The following ZFHX3 variants were observed in gnomAD, a reference collection of about 807,000 sequenced individuals.
The protein encoded by ZFHX3 is zinc finger homeobox 3.
A neutral mutation model predicts 279.1 loss-of-function variants in ZFHX3; 42 were observed. The observed-to-expected ratio is 0.15, with a 90% confidence interval of 0.12 to 0.19. The LOEUF (loss-of-function observed/expected upper bound fraction) is 0.19, where lower values mean the gene tolerates loss of function less well. Among genes scored for constraint, ZFHX3 ranks in the 10% least tolerant of loss-of-function variants. The pLI is 1.00. For synonymous variants in ZFHX3, 2,293 were observed against 1,957.8 expected, an observed-to-expected ratio of 1.17 and a Z score of -4.52; for missense variants, 4,981 against 4,754.0, an observed-to-expected ratio of 1.05 and a Z score of -1.40.
rs2035868761 is a variant in ZFHX3 at position 72,795,368 on chromosome 16, T to G, written c.7314A>C (p.Ala2438=). 6.2e-7 allele frequency: 1 copy of G among 1,614,052 alleles called. No individual in the cohort carries two copies. The highest frequency in any genetic ancestry group is 1.7e-5 in the Admixed American group (1 of 60,012). ...GCTTTTCTTGGGTTTGGTTTGGCTG[T>G]GCACTGGGAGCTTCCGCCAGCTTTG... The part of the protein sequence containing the change: ...EKPKLAEAPS[A]QPNQTQEKQG... Residue 2438 remains alanine, a synonymous_variant, in exon 9 of 10, where the codon GCA becomes GCC. Coordinates refer to ENST00000268489, the MANE Select transcript of ZFHX3 (RefSeq NM_006885.4).
At chr16:73,439,909 C>CAGAA (rs2018057457) in intron 3 of ZFHX3, among the ~76,000 whole-genome samples, 2 of 75,430 alleles carry the variant, frequency 2.7e-5, no homozygotes, top group East Asian at 4.2e-4. Context: ...GGGAGAGGGA[C>CAGAA]AAAAAAAAAA....
Position 72,793,329 on chromosome 16 carries a change from A to T in ZFHX3, c.9353T>A (p.Leu3118His), listed in dbSNP as rs766541934. 1.9e-6 allele frequency: 3 copies of T among 1,614,208 alleles called. No individual in the cohort carries two copies. Among genetic ancestry groups the T allele is most frequent in the Middle Eastern group, 1.6e-4 (1 of 6,062 alleles). Residue 3118 changes from leucine to histidine, a missense_variant, in exon 9 of 10, where the codon CTC becomes CAC. Around this residue, in one of 7 missense-constraint regions of ZFHX3, gnomAD observed 1,034 missense variants for 786.0 expected, o/e 1.32. Transcript: ENST00000268489. The surrounding 1 kb of genome is among the most constrained non-coding windows in gnomAD (Gnocchi z 4.3). The part of the protein sequence containing the change: ...ALNLPTAYPA[L>H]QGIPPVLLPG... ...GAGCAACACAGGAGGAATGCCCTGGAGCGCTGGATATGCTGTAGGAAGGTT... is the reference window on the plus strand; with the variant it reads ...GAGCAACACAGGAGGAATGCCCTGGTGCGCTGGATATGCTGTAGGAAGGTT...
intron 1 of ZFHX3, among the ~76,000 whole-genome samples, chr16:73,819,398 T>C (rs1234805679): frequency 2.0e-5 from 3 of 151,646 alleles, no homozygotes; most frequent in South Asian, 2.1e-4. Flanking sequence ...GCATTGCTAA[T>C]TGTTGTTAGG....
chr16:73,071,408 C>T (rs912095296), intron 8 of ZFHX3, among the ~76,000 whole-genome samples: 4 of 142,326 alleles, frequency 2.8e-5, no homozygotes, highest in Non-Finnish European at 4.7e-5. Flanking sequence ...TGGCCTTGAG[C>T]GGAGGGAGGG....
At chr16:73,695,325 T>C (rs1039595428) in intron 1 of ZFHX3, among the ~76,000 whole-genome samples, 1 of 147,300 alleles carries the variant, frequency 6.8e-6, no homozygotes, top group African/African-American at 2.5e-5. Flanking sequence ...AACCTCCACC[T>C]CCCCGGGTTC....
At chr16:73,144,229 A>G (rs1966854856) in intron 5 of ZFHX3, 2 of 159,256 alleles carry the variant, frequency 1.3e-5, no homozygotes, top group South Asian at 3.7e-4. Flanking sequence ...TCTTGTACTC[A>G]TGGAATTCTC....
At chr16:73,361,879 A>G (rs2016438925) in intron 3 of ZFHX3, among the ~76,000 whole-genome samples, 2 of 152,208 alleles carry the variant, frequency 1.3e-5, no homozygotes, top group Admixed American at 6.5e-5. Flanking sequence ...TTTGGCCAAT[A>G]GGAGGGATTT....
intron 5 of ZFHX3, among the ~76,000 whole-genome samples, chr16:73,185,969 G>A (rs763973065): frequency 3.9e-5 from 6 of 152,074 alleles, no homozygotes; most frequent in African/African-American, 9.7e-5. Context: ...GATCAGCAGC[G>A]GCATGAGATT....
Position 72,950,790 on chromosome 16 carries a change from C to T in ZFHX3, c.2895G>A (p.Met965Ile). 1 of 1,614,226 alleles carries T rather than the reference C, an allele frequency of 6.2e-7. No individual in the cohort carries two copies. Among genetic ancestry groups the T allele is most frequent in the Non-Finnish European group, 8.5e-7 (1 of 1,180,040 alleles). The change falls in exon 3 of 10, where the codon ATG (methionine) becomes ATA (isoleucine). Residue 965 changes from methionine to isoleucine, a missense_variant. Around this residue, in one of 7 missense-constraint regions of ZFHX3, gnomAD observed 1,751 missense variants for 1,770.0 expected, o/e 0.99. Coordinates refer to ENST00000268489, the MANE Select transcript of ZFHX3 (RefSeq NM_006885.4). The part of the protein sequence containing the change: ...TDNLDMLGLH[M>I]NVERSLSEDE... ...CCTCCGACAGGCTGCGCTCCACGTT[C>T]ATGTGCAGGCCCAGCATGTCCAGGT...
At chr16:73,602,815 C>T (rs13339059) in intron 2 of ZFHX3, among the ~76,000 whole-genome samples, 31,459 of 151,006 alleles carry the variant, frequency 0.21, 5,367 homozygotes, top group African/African-American at 0.48. Flanking sequence ...GTCGTGGTAG[C>T]GGGCACCTGT....
At chr16:72,895,878 T>C (rs549962157) in intron 3 of ZFHX3, among the ~76,000 whole-genome samples, 3 of 151,952 alleles carry the variant, frequency 2.0e-5, no homozygotes, top group Admixed American at 6.6e-5. Context: ...TTAGACTAGA[T>C]AGATAGATAG....
At chr16:73,579,502 T>C (rs1442559297) in intron 2 of ZFHX3, among the ~76,000 whole-genome samples, 2 of 151,380 alleles carry the variant, frequency 1.3e-5, no homozygotes, top group African/African-American at 4.8e-5. Flanking sequence ...CTAATTATTA[T>C]AATCTTTTTT....
chr16:73,700,524 T>C (rs2053236929), intron 1 of ZFHX3, among the ~76,000 whole-genome samples: 1 of 152,226 alleles, frequency 6.6e-6, no homozygotes, highest in Non-Finnish European at 1.5e-5. Flanking sequence ...ATTTTCTTAA[T>C]ACACCTAAAG....
rs538554449 is a variant in ZFHX3, at chr16:72,793,632, G to T, written c.9050C>A (p.Thr3017Lys). The change falls in exon 9 of 10, where the codon ACG (threonine) becomes AAG (lysine). Residue 3017 changes from threonine to lysine, a missense_variant. Physicochemically the swap from Thr to Lys is moderately conservative, Grantham distance 78 (BLOSUM62 -1). This residue lies in a region of ZFHX3 where 168 missense variants were observed against 249.1 expected (regional missense o/e 0.67). Coordinates refer to ENST00000268489, the MANE Select transcript of ZFHX3 (RefSeq NM_006885.4). This position sits in a 1 kb window ranked among gnomAD's most constrained non-coding sequence, Gnocchi z 4.3. ...SMAKHFGINQ[T>K]SYEGPKTECT... ...CTCTGTTTTGGGTCCCTCATAACTC[G>T]TTTGGTTTATACCAAAATGCTTGGC... 1 of 1,614,022 alleles carries T rather than the reference G, an allele frequency of 6.2e-7. No homozygotes were observed. Among genetic ancestry groups the T allele is most frequent in the African/African-American group, 1.3e-5 (1 of 74,912 alleles).
intron 7 of ZFHX3, among the ~76,000 whole-genome samples, chr16:73,098,524 G>T (rs9922785): frequency 2.7e-3 from 412 of 152,154 alleles, no homozygotes; most frequent in African/African-American, 9.3e-3. Flanking sequence ...ACCACACCCG[G>T]ATAATTTTTG....
At chr16:73,091,088 G>A (rs1254247287) in intron 8 of ZFHX3, among the ~76,000 whole-genome samples, 1 of 151,824 alleles carries the variant, frequency 6.6e-6, no homozygotes, top group East Asian at 1.9e-4. Flanking sequence ...GCGGGTGCCT[G>A]TAGTCCCAGC....
chr16:73,837,490 C>A (rs779785528), intron 1 of ZFHX3, among the ~76,000 whole-genome samples: 5 of 152,176 alleles, frequency 3.3e-5, no homozygotes, highest in African/African-American at 4.8e-5. Context: ...AAGGTGCTTG[C>A]CTTTTCAAAC....
intron 4 of ZFHX3, among the ~76,000 whole-genome samples, chr16:72,871,070 G>T (rs2038149621): frequency 6.6e-6 from 1 of 152,158 alleles, no homozygotes; most frequent in African/African-American, 2.4e-5. Flanking sequence ...AGTCAAAAAA[G>T]GAAATGTGGT....
At chr16:73,184,022 T>G (rs185907088) in intron 5 of ZFHX3, among the ~76,000 whole-genome samples, 1 of 152,142 alleles carries the variant, frequency 6.6e-6, no homozygotes, top group Non-Finnish European at 1.5e-5. Flanking sequence ...ATGCGGACCA[T>G]GTGTCTCTAA....
Sources: allele counts gnomAD v4.1 joint callset (sites outside exome capture counted in the v4.1 genomes callset), GRCh38; gene constraint gnomAD v4.1.1; regional missense constraint gnomAD v4.1.1; non-coding constraint Gnocchi (gnomAD v3.1); transcripts MANE v1.5; gene names NCBI Gene and HGNC (gene_info 2026-07-23, HGNC 2026-07-21).